OLFM1: variants seen among roughly 807,000 people sequenced by gnomAD.
OLFM1 encodes olfactomedin 1.
OLFM1 carries 9 observed loss-of-function variants against 49.7 expected under a neutral mutation model. The ratio of observed to expected loss-of-function variants is 0.18; its 90% CI spans 0.11 to 0.32. OLFM1 has a LOEUF of 0.32. Ranked by LOEUF, OLFM1 falls within the 10% of genes least tolerant of loss-of-function variation. The pLI, the probability that OLFM1 is intolerant of heterozygous loss-of-function variation, is 1.00. For synonymous variants in OLFM1, 240 were observed against 271.8 expected, an observed-to-expected ratio of 0.88 and a Z score of 1.15; for missense variants, 369 against 661.8, an observed-to-expected ratio of 0.56 and a Z score of 4.85.
Position 135,117,176 on chromosome 9 carries a change from G to T in OLFM1, c.784-2328G>T, listed in dbSNP as rs777545586. Among the ~76,000 whole-genome samples the T allele has an allele frequency of 1.3e-5, 2 of 152,140 alleles. No individual in the cohort carries two copies. The highest frequency in any genetic ancestry group is 2.4e-5 in the African/African-American group (1 of 41,422). ...GTTGAAAATGACTAAAGCATTTTGCGCAAAGTCCAGACAGTTCTCAAGTCA... is the reference window on the plus strand; with the variant it reads ...GTTGAAAATGACTAAAGCATTTTGCTCAAAGTCCAGACAGTTCTCAAGTCA... On this transcript the variant is annotated intron_variant, in intron 5 of 5. Transcript: ENST00000371793. This position sits in a 1 kb window ranked among gnomAD's most constrained non-coding sequence, Gnocchi z 5.5.
chr9:135,087,692 G>T lies in OLFM1; in HGVS notation c.-298G>T, dbSNP rs766147871. On this transcript the variant is annotated 5_prime_UTR_variant, in exon 1 of 6. Transcript: ENST00000371793. ...CAGAGCCGGACGGCGCTTCCCGGTG[G>T]CGGCGGAGGAGCCCGGAGGGACGCA... 1 of 425,436 alleles carries T rather than the reference G, an allele frequency of 2.4e-6. No individual in the cohort carries two copies. Among genetic ancestry groups the T allele is most frequent in the East Asian group, 7.6e-5 (1 of 13,190 alleles). 26.4% of individuals were successfully genotyped at this position (425,436 alleles called of 1,614,324 possible).
At chr9:135,100,588 C>G (rs1330998284) in intron 4 of OLFM1, among the ~76,000 whole-genome samples, 1 of 152,180 alleles carries the variant, frequency 6.6e-6, no homozygotes, top group African/African-American at 2.4e-5. Flanking sequence ...GGCATCTGCC[C>G]GTAGCCAGCA....
At chr9:135,109,320 G>T (rs1830989891) in intron 5 of OLFM1, among the ~76,000 whole-genome samples, 1 of 152,218 alleles carries the variant, frequency 6.6e-6, no homozygotes. Flanking sequence ...GCGCAGCGAG[G>T]GTGTGGGTTT....
rs772609676 is a variant in OLFM1 at position 135,098,543 on chromosome 9, C to G, written c.676+38C>G. Reference sequence around the variant, plus strand: ...CCCTGCGGGACGTGGCGCTGCACTGCCCACCTCCGGCACACGCACAGGCTT... The same window carrying G: ...CCCTGCGGGACGTGGCGCTGCACTGGCCACCTCCGGCACACGCACAGGCTT... On this transcript the variant is annotated intron_variant, in intron 4 of 5. Transcript: ENST00000371793. This position sits in a 1 kb window ranked among gnomAD's most constrained non-coding sequence, Gnocchi z 5.6. 3 of 1,553,510 alleles carry G rather than the reference C, an allele frequency of 1.9e-6. No homozygotes were observed. The highest frequency in any genetic ancestry group is 2.7e-6 in the Non-Finnish European group (3 of 1,126,940).
At position 135,088,154 on chromosome 9, in the gene OLFM1, C is replaced by A. The variant is rs577395669; in HGVS notation, c.150+15C>A. The A allele has an allele frequency of 1.5e-6, 2 of 1,322,722 alleles. No individual in the cohort carries two copies. Among genetic ancestry groups the A allele is most frequent in the African/African-American group, 1.5e-5 (1 of 64,596 alleles). 81.9% of individuals were successfully genotyped at this position (1,322,722 alleles called of 1,614,324 possible). The stretch of plus-strand genomic sequence containing the variant: ...GCAGCACCGGCGTAAGTGCGCCCGC[C>A]GGCCGCCTTGGCGCGGCTCCTCCTC... On this transcript the variant is annotated intron_variant, in intron 1 of 5. Transcript: ENST00000371793. This position sits in a 1 kb window ranked among gnomAD's most constrained non-coding sequence, Gnocchi z 4.8.
In OLFM1 at chr9:135,097,258, C is replaced by G. The variant is rs909711566; in HGVS notation, c.457-1028C>G. 4.6e-5 allele frequency among the ~76,000 whole-genome samples: 7 copies of G among 152,164 alleles called. No homozygotes were observed. In the East Asian group the frequency reaches 5.8e-4, roughly 13 times the overall value. On this transcript the variant is annotated intron_variant, in intron 3 of 5. Coordinates refer to ENST00000371793, the MANE Select transcript of OLFM1 (RefSeq NM_001282611.2). ...ATCTATATTATAAATAAAATAATAG[C>G]AGGCCCAATCCTGTTGAGGTGAAAT... is the stretch of plus-strand genomic sequence containing the variant.
chr9:135,076,185 T>G (rs1588198194), intron 1 of OLFM1: 5 of 1,550,336 alleles, frequency 3.2e-6, no homozygotes, highest in Non-Finnish European at 4.4e-6. Flanking sequence ...TTTTCAGAGG[T>G]GGCGGGACCT....
At chr9:135,078,470 C>T (rs1424776809) in intron 1 of OLFM1, among the ~76,000 whole-genome samples, 1 of 152,218 alleles carries the variant, frequency 6.6e-6, no homozygotes, top group Non-Finnish European at 1.5e-5. Flanking sequence ...AGCTTACTTA[C>T]GATGAGACAC....
chr9:135,093,360 G>C (rs180940733), intron 2 of OLFM1, among the ~76,000 whole-genome samples: 4 of 152,196 alleles, frequency 2.6e-5, no homozygotes, highest in Non-Finnish European at 4.4e-5. Context: ...GAACTGGCAG[G>C]CCTCCTGGCT....
At position 135,080,871 on chromosome 9, in the gene OLFM1, G is replaced by T. The variant is rs903832143; in HGVS notation, c.96+5069G>T. Among the ~76,000 whole-genome samples, 3 of 152,052 alleles carry T rather than the reference G, an allele frequency of 2.0e-5. No homozygotes were observed. Among genetic ancestry groups the T allele is most frequent in the African/African-American group, 7.2e-5 (3 of 41,392 alleles). On this transcript the variant is annotated intron_variant, in intron 1 of 5. Transcript: ENST00000252854. The surrounding 1 kb of genome is among the most constrained non-coding windows in gnomAD (Gnocchi z 4.5). ...CCTCAGCGCTGTCCCGACTGGCACC[G>T]CAGGGCGACCGAAGGGAGGGGAAGA...
chr9:135,075,773 C>G (rs1488718110), exon 1 of OLFM1: 2 of 1,607,630 alleles, frequency 1.2e-6, no homozygotes, highest in Non-Finnish European at 1.7e-6. Flanking sequence ...CCTCCTCTTC[C>G]TCATCCTGAT....
rs1478291295 is a variant in OLFM1 at position 135,080,940 on chromosome 9, T to A, written c.96+5138T>A. On this transcript the variant is annotated intron_variant, in intron 1 of 5. Transcript: ENST00000252854. This position sits in a 1 kb window ranked among gnomAD's most constrained non-coding sequence, Gnocchi z 4.5. ...TGCACACCTCTGAGTTTTTTTAGAT[T>A]ATTAAAATAATAATCTAAATATTAT... Among the ~76,000 whole-genome samples, 1 of 151,358 alleles carries A rather than the reference T, an allele frequency of 6.6e-6. No individual in the cohort carries two copies. Among genetic ancestry groups the A allele is most frequent in the Non-Finnish European group, 1.5e-5 (1 of 67,902 alleles).
chr9:135,079,975 G>A (rs1830512572), intron 1 of OLFM1, among the ~76,000 whole-genome samples: 1 of 152,052 alleles, frequency 6.6e-6, no homozygotes, highest in Non-Finnish European at 1.5e-5. Context: ...TGAGAAGTGG[G>A]CAGACCCGGG....
intron 5 of OLFM1, among the ~76,000 whole-genome samples, chr9:135,115,171 T>C (rs1831080563): frequency 6.6e-6 from 1 of 152,202 alleles, no homozygotes; most frequent in African/African-American, 2.4e-5. Context: ...AGAAATATCC[T>C]CTATTGTGGG....
intron 5 of OLFM1, among the ~76,000 whole-genome samples, chr9:135,111,624 G>A (rs575336055): frequency 7.2e-5 from 11 of 152,280 alleles, no homozygotes; most frequent in South Asian, 2.1e-4. Context: ...TGTGGGTGGC[G>A]TGGTTCAGAG....
chr9:135,119,924 G>A lies in OLFM1; in HGVS notation c.1204G>A (p.Ala402Thr), dbSNP rs1130517. 8 of 1,613,400 alleles carry A rather than the reference G, an allele frequency of 5.0e-6. No individual in the cohort carries two copies. Among genetic ancestry groups the A allele is most frequent in the Non-Finnish European group, 6.8e-6 (8 of 1,180,036 alleles). Residue 402 changes from alanine to threonine, a missense_variant, in exon 6 of 6, where the codon GCC becomes ACC. By Grantham distance (58) the Ala-to-Thr change is moderately conservative. Coordinates refer to ENST00000371793, the MANE Select transcript of OLFM1 (RefSeq NM_001282611.2). ...GAACACGAGCTACCCCAAGCGCAGC[G>A]CCGGGGAGGCCTTCATCATCTGCGG... Reference protein sequence around the residue: ...TWNTSYPKRSAGEAFIICGTL... With the variant: ...TWNTSYPKRSTGEAFIICGTL...
At chr9:135,110,787 G>C (rs1441445622) in intron 5 of OLFM1, among the ~76,000 whole-genome samples, 1 of 152,118 alleles carries the variant, frequency 6.6e-6, no homozygotes, top group Admixed American at 6.5e-5. Context: ...ATTCAGCTAC[G>C]GGCCGCTTTA....
chr9:135,109,520 C>T (rs190903003), intron 5 of OLFM1, among the ~76,000 whole-genome samples: 5 of 152,142 alleles, frequency 3.3e-5, no homozygotes, highest in African/African-American at 1.2e-4. Flanking sequence ...AGGAGCCACC[C>T]GGAGCCTGCT....
In OLFM1 at chr9:135,100,713, G is replaced by A. The variant is rs189796642; in HGVS notation, c.676+2208G>A. The stretch of plus-strand genomic sequence containing the variant: ...ACTCCCCCAAGGCATTTCCCCTCTC[G>A]AGTTTCAGCTGCCTCCTCCTCTGTA... On this transcript the variant is annotated intron_variant, in intron 4 of 5. Transcript: ENST00000371793. Among the ~76,000 whole-genome samples, 380 of 152,238 alleles carry A rather than the reference G, an allele frequency of 2.5e-3. 2 individuals are homozygous for A. The highest frequency in any genetic ancestry group is 8.8e-3 in the African/African-American group (365 of 41,540).
Sources: allele counts gnomAD v4.1 joint callset (sites outside exome capture counted in the v4.1 genomes callset), GRCh38; gene constraint gnomAD v4.1.1; non-coding constraint Gnocchi (gnomAD v3.1); transcripts MANE v1.5; gene names NCBI Gene and HGNC (gene_info 2026-07-23, HGNC 2026-07-21).